The following ANKRD33B variants were observed in gnomAD, a reference collection of about 807,000 sequenced individuals.
ANKRD33B encodes the protein ankyrin repeat domain 33B.
Under a neutral mutation model 21.5 loss-of-function variants are expected in ANKRD33B, and 6 were observed. The ratio of observed to expected loss-of-function variants is 0.28; its 90% CI spans 0.15 to 0.55. ANKRD33B has a LOEUF of 0.55. Among genes scored for constraint, ANKRD33B ranks in the 20% least tolerant of loss-of-function variants. The probability of loss-of-function intolerance (pLI) is 0.94; values close to 1 mark genes in which losing one functional copy is unlikely to be tolerated. For synonymous variants in ANKRD33B, 347 were observed against 342.4 expected, an observed-to-expected ratio of 1.01 and a Z score of -0.15; for missense variants, 698 against 747.2, an observed-to-expected ratio of 0.93 and a Z score of 0.77.
chr5:10,575,422 CAAA>C (rs397780167), intron 1 of ANKRD33B, among the ~76,000 whole-genome samples: 5 of 116,758 alleles, frequency 4.3e-5, no homozygotes, highest in African/African-American at 3.2e-5. Flanking sequence ...GAGACTGTCT[CAAA>C]AAAAAAAAAA....
chr5:10,648,052 A>C (rs1268705262), intron 3 of ANKRD33B, among the ~76,000 whole-genome samples: 1 of 152,174 alleles, frequency 6.6e-6, no homozygotes, highest in African/African-American at 2.4e-5. Flanking sequence ...AGGTTAGGAC[A>C]CCCAAGTCTT....
intron 1 of ANKRD33B, among the ~76,000 whole-genome samples, chr5:10,588,492 G>C (rs546732078): frequency 6.6e-6 from 1 of 152,132 alleles, no homozygotes; most frequent in Non-Finnish European, 1.5e-5. Context: ...ATTTTGTTTC[G>C]ATCTGTGGAG....
At chr5:10,621,400 T>C (rs1341800636) in intron 2 of ANKRD33B, among the ~76,000 whole-genome samples, 2 of 152,176 alleles carry the variant, frequency 1.3e-5, no homozygotes. Flanking sequence ...ATACCTCCAA[T>C]CCAAATGCAA....
chr5:10,649,905 T>G lies in ANKRD33B; in HGVS notation c.1277T>G (p.Val426Gly). ...SVRPGVVVPRVRVSKAPAPTF... is the reference protein window; with the variant it reads ...SVRPGVVVPRGRVSKAPAPTF... ...CGGCCCGGTGTGGTGGTGCCCCGGG[T>G]CCGAGTCAGCAAGGCGCCCGCGCCC... Residue 426 changes from valine (V) to glycine (G), a missense_variant, in exon 4 of 4, where the codon GTC (valine) becomes GGC (glycine). By Grantham distance (109) the Val-to-Gly change is moderately radical. This residue lies in a region of ANKRD33B where 543 missense variants were observed against 566.5 expected (regional missense o/e 0.96). Coordinates refer to ENST00000296657, the MANE Select transcript of ANKRD33B (RefSeq NM_001164440.2). 6.6e-7 allele frequency: 1 copy of G among 1,516,890 alleles called. No individual in the cohort carries two copies. The highest frequency in any genetic ancestry group is 8.8e-7 in the Non-Finnish European group (1 of 1,138,314). The allele number at this position is 1,516,890 out of a possible 1,614,324, so 94.0% of individuals were successfully genotyped here. A position where few individuals can be genotyped will look rare whatever the true frequency, so the allele number is the denominator to read the frequency against.
chr5:10,596,452 G>A (rs569406718), intron 1 of ANKRD33B, among the ~76,000 whole-genome samples: 43 of 152,264 alleles, frequency 2.8e-4, no homozygotes, highest in African/African-American at 9.6e-4. Flanking sequence ...AGTTTGCCAA[G>A]GATAATGCCT....
At chr5:10,649,120 G>C in intron 3 of ANKRD33B, 146 bp from the exon 4 acceptor site, 1 of 1,394,802 alleles carries the variant, frequency 7.2e-7, no homozygotes, top group Non-Finnish European at 9.4e-7. Context: ...CACAGGGTTC[G>C]CAGAGTGAAC....
At chr5:10,637,773 TCCCTCGAGTGCTTTG>T (rs1249920802) in intron 2 of ANKRD33B, among the ~76,000 whole-genome samples, 2 of 152,036 alleles carry the variant, frequency 1.3e-5, no homozygotes, top group African/African-American at 4.8e-5. Context: ...GGACAGCTCC[TCCCTCGAGTGCTTTG>T]CCGAAGGGGA....
chr5:10,607,298 C>T (rs909453286), intron 1 of ANKRD33B, among the ~76,000 whole-genome samples: 1 of 152,224 alleles, frequency 6.6e-6, no homozygotes, highest in Admixed American at 6.5e-5. Context: ...CAGGGCTCTG[C>T]TCTCTCTGCC....
intron 2 of ANKRD33B, among the ~76,000 whole-genome samples, chr5:10,632,191 TG>T (rs937487226): frequency 2.8e-4 from 43 of 151,652 alleles, no homozygotes; most frequent in Admixed American, 5.9e-4. Context: ...GTGGGCAGCG[TG>T]GGGGGCGATG....
chr5:10,580,467 C>T (rs1379623285), intron 1 of ANKRD33B, among the ~76,000 whole-genome samples: 7 of 152,312 alleles, frequency 4.6e-5, no homozygotes, highest in South Asian at 4.1e-4. Flanking sequence ...GTTGCCTGCT[C>T]GAGTTTGAGC....
At chr5:10,638,669 T>C (rs1736933981) in intron 3 of ANKRD33B, among the ~76,000 whole-genome samples, 1 of 152,002 alleles carries the variant, frequency 6.6e-6, no homozygotes, top group African/African-American at 2.4e-5. Flanking sequence ...CATGGTAACG[T>C]TGGGAGGTGA....
At chr5:10,571,305 G>A (rs1008978789) in intron 1 of ANKRD33B, among the ~76,000 whole-genome samples, 3 of 151,934 alleles carry the variant, frequency 2.0e-5, no homozygotes, top group Non-Finnish European at 4.4e-5. Flanking sequence ...GGGTTCAAGC[G>A]ATTGTCCTGC....
chr5:10,645,744 C>T (rs1370399843), intron 3 of ANKRD33B, among the ~76,000 whole-genome samples: 3 of 152,320 alleles, frequency 2.0e-5, no homozygotes, highest in Middle Eastern at 3.4e-3. Context: ...TGGTCCCTTT[C>T]GTCAGGAGGC....
intron 2 of ANKRD33B, among the ~76,000 whole-genome samples, chr5:10,626,968 A>G (rs1736566603): frequency 6.6e-6 from 1 of 152,226 alleles, no homozygotes; most frequent in African/African-American, 2.4e-5. Flanking sequence ...TGGTTGTCTG[A>G]GAGTTGGAAG....
chr5:10,564,948 G>A (rs940293989), intron 1 of ANKRD33B, 115 bp downstream of exon 1: 6 of 1,358,448 alleles, frequency 4.4e-6, no homozygotes, highest in Non-Finnish European at 4.8e-6. Flanking sequence ...CGGTCACTCA[G>A]CCGCCGCCCA....
At chr5:10,627,620 A>G (rs1273496324) in intron 2 of ANKRD33B, 2 of 152,182 alleles carry the variant, frequency 1.3e-5, no homozygotes, top group African/African-American at 2.4e-5. Context: ...CTTGGTCAGA[A>G]CCCAGGAACA....
intron 1 of ANKRD33B, among the ~76,000 whole-genome samples, chr5:10,585,199 C>G (rs1223936522): frequency 6.6e-6 from 1 of 151,946 alleles, no homozygotes; most frequent in East Asian, 1.9e-4. Context: ...GTTTGGTCCT[C>G]TTTGAAGTGG....
intron 1 of ANKRD33B, among the ~76,000 whole-genome samples, chr5:10,613,026 G>A (rs1377711191): frequency 4.6e-5 from 7 of 152,064 alleles, no homozygotes; most frequent in Admixed American, 1.3e-4. Context: ...TCTCACACTC[G>A]AGCATGGTAA....
chr5:10,592,580 T>C (rs1038216318), intron 1 of ANKRD33B, among the ~76,000 whole-genome samples: 4 of 150,430 alleles, frequency 2.7e-5, no homozygotes, highest in Admixed American at 2.6e-4. Flanking sequence ...TGAGCTGAGA[T>C]TGCACCACTG....
Sources: gnomAD v4.1 joint callset for allele counts (sites outside exome capture counted in the v4.1 genomes callset) on GRCh38, gnomAD v4.1.1 for gene constraint, gnomAD v4.1.1 regional missense constraint, MANE v1.5 for transcripts, NCBI Gene and HGNC (gene_info 2026-07-23, HGNC 2026-07-21) for gene names.